RFX4: variants seen among roughly 807,000 people sequenced by gnomAD.
RFX4 encodes the protein transcription factor RFX4.
A neutral mutation model predicts 95.0 loss-of-function variants in RFX4; 10 were observed. The ratio of observed to expected loss-of-function variants is 0.11; its 90% CI spans 0.06 to 0.18. The LOEUF is 0.18. Among genes scored for constraint, RFX4 ranks in the 10% least tolerant of loss-of-function variants. The pLI is 1.00. For synonymous variants in RFX4, 321 were observed against 340.7 expected, an observed-to-expected ratio of 0.94 and a Z score of 0.64; for missense variants, 640 against 922.0, an observed-to-expected ratio of 0.69 and a Z score of 3.96.
At chr12:106,665,511 T>A (rs1338127773) in intron 4 of RFX4, among the ~76,000 whole-genome samples, 1 of 151,982 alleles carries the variant, frequency 6.6e-6, no homozygotes, top group Admixed American at 6.5e-5. Context: ...AATTGGATAA[T>A]ATTTACCATA....
At chr12:106,589,769 G>A (rs1174401054) in intron 1 of RFX4, among the ~76,000 whole-genome samples, 1 of 152,188 alleles carries the variant, frequency 6.6e-6, no homozygotes. Context: ...ATCACAGAAT[G>A]TTGTCTTCCC....
At chr12:106,664,572 T>A (rs548194546) in intron 4 of RFX4, among the ~76,000 whole-genome samples, 1 of 151,950 alleles carries the variant, frequency 6.6e-6, no homozygotes, top group Admixed American at 6.6e-5. Context: ...CTCTAATTCT[T>A]ATTGTATCTT....
chr12:106,755,451 G>A (rs2043092277), intron 17 of RFX4, among the ~76,000 whole-genome samples: 1 of 152,142 alleles, frequency 6.6e-6, no homozygotes, highest in South Asian at 2.1e-4. Context: ...TGTGCCCCAG[G>A]TCATGCATCC....
intron 3 of RFX4, among the ~76,000 whole-genome samples, chr12:106,651,455 T>G (rs2040855400): frequency 6.6e-6 from 1 of 150,842 alleles, no homozygotes; most frequent in Non-Finnish European, 1.5e-5. Flanking sequence ...TGCTAACTGT[T>G]GTTGTTACAC....
At chr12:106,645,994 C>T in intron 3 of RFX4, 1 of 1,241,212 alleles carries the variant, frequency 8.1e-7, no homozygotes, top group Non-Finnish European at 1.1e-6. Context: ...GAATGAGATG[C>T]TGTGTTGTGG....
At chr12:106,716,280 G>A (rs1480886539) in intron 11 of RFX4, among the ~76,000 whole-genome samples, 1 of 151,978 alleles carries the variant, frequency 6.6e-6, no homozygotes, top group African/African-American at 2.4e-5. Flanking sequence ...AGAACATCAG[G>A]TCAGGAAAGG....
Position 106,715,535 on chromosome 12 carries a change from A to C in RFX4, c.1129A>C (p.Ile377Leu). The change falls in exon 11 of 18, where the codon ATC becomes CTC. Residue 377 changes from isoleucine (I) to leucine (L), a missense_variant. Around this residue, in one of 7 missense-constraint regions of RFX4, gnomAD observed 72 missense variants for 80.5 expected, o/e 0.89. Coordinates refer to ENST00000392842, the MANE Select transcript of RFX4 (RefSeq NM_213594.3). ...EDSRDEHRKLITQLYQEFDHL... is the reference protein window; with the variant it reads ...EDSRDEHRKLLTQLYQEFDHL... ...CTCTCGCGATGAGCACCGGAAACTC[A>C]TCACCCAATGTAAGCTGTCCCACCA... 2 of 1,614,134 alleles carry C rather than the reference A, an allele frequency of 1.2e-6. No individual in the cohort carries two copies. Among genetic ancestry groups the C allele is most frequent in the Non-Finnish European group, 1.7e-6 (2 of 1,179,986 alleles).
At chr12:106,646,390 G>A (rs1272945407) in intron 3 of RFX4, among the ~76,000 whole-genome samples, 2 of 118,966 alleles carry the variant, frequency 1.7e-5, no homozygotes, top group Admixed American at 1.1e-4. Flanking sequence ...GAACCAAATG[G>A]AAATTGCAAC....
At chr12:106,643,587 A>G (rs1236553321) in intron 3 of RFX4, among the ~76,000 whole-genome samples, 4 of 152,172 alleles carry the variant, frequency 2.6e-5, no homozygotes, top group Non-Finnish European at 4.4e-5. Context: ...TCCATTTTAC[A>G]AGGAAAAGTG....
At position 106,733,012 on chromosome 12, in the gene RFX4, A is replaced by G. The variant is rs1415146605; in HGVS notation, c.1560A>G (p.Thr520=). 1.9e-6 allele frequency: 3 copies of G among 1,614,062 alleles called. No homozygotes were observed. In the Admixed American group the frequency reaches 5.0e-5, roughly 27 times the overall value. Residue 520 remains threonine, a synonymous_variant, in exon 15 of 18, where the codon ACA becomes ACG. Transcript: ENST00000392842. ...CGTTTTCTCCAGCAAAATCTGCCAC[A>G]TCTGTGGAAGTGCCACCTCCCTCTT... ...VPSFSPAKSA[T]SVEVPPPSSP...
chr12:106,659,641 G>A (rs1051860069), intron 4 of RFX4, among the ~76,000 whole-genome samples: 4 of 152,136 alleles, frequency 2.6e-5, no homozygotes, highest in African/African-American at 7.2e-5. Context: ...TATATCAACC[G>A]TGTCTAGTCC....
At chr12:106,669,593 C>G (rs1357245307) in intron 4 of RFX4, among the ~76,000 whole-genome samples, 1 of 152,026 alleles carries the variant, frequency 6.6e-6, no homozygotes, top group African/African-American at 2.4e-5. Context: ...CCACCCTCCT[C>G]CCATCCTGAC....
intron 16 of RFX4, among the ~76,000 whole-genome samples, chr12:106,748,823 C>T (rs1206784578): frequency 6.6e-6 from 1 of 152,072 alleles, no homozygotes; most frequent in African/African-American, 2.4e-5. Flanking sequence ...CAGTGGCTCA[C>T]ACCTGTAATC....
intron 2 of RFX4, among the ~76,000 whole-genome samples, chr12:106,614,744 C>T (rs573673891): frequency 2.7e-4 from 41 of 151,934 alleles, no homozygotes; most frequent in Non-Finnish European, 5.4e-4. Context: ...CTCCTGACCT[C>T]GTGATCTACC....
intron 8 of RFX4, among the ~76,000 whole-genome samples, chr12:106,703,276 G>A (rs1452902570): frequency 1.3e-5 from 2 of 152,094 alleles, no homozygotes; most frequent in African/African-American, 4.8e-5. Flanking sequence ...TCTTGTTATG[G>A]TGGAAGTGAT....
At chr12:106,642,975 G>A (rs1372865895) in intron 3 of RFX4, among the ~76,000 whole-genome samples, 2 of 152,210 alleles carry the variant, frequency 1.3e-5, no homozygotes, top group South Asian at 2.1e-4. Context: ...ATAGACAGAG[G>A]GGGTGTTAGG....
intron 5 of RFX4, chr12:106,684,861 C>G (rs558348120): frequency 6.3e-7 from 1 of 1,590,360 alleles, no homozygotes; most frequent in East Asian, 2.2e-5. Flanking sequence ...TCCCAGAAGG[C>G]ATTCAGATAG....
At chr12:106,658,049 C>G (rs11113074) in intron 4 of RFX4, among the ~76,000 whole-genome samples, 31,537 of 152,072 alleles carry the variant, frequency 0.21, 3,559 homozygotes, top group South Asian at 0.28. Flanking sequence ...AATGAAAGCT[C>G]TATGAGGACT....
intron 1 of RFX4, among the ~76,000 whole-genome samples, chr12:106,599,470 T>TGTGATG (rs1352915054): frequency 7.3e-6 from 1 of 136,378 alleles, no homozygotes; most frequent in Non-Finnish European, 1.5e-5. Flanking sequence ...AAGTCATCGC[T>TGTGATG]GTGATGATGA....
Sources: allele counts gnomAD v4.1 joint callset (sites outside exome capture counted in the v4.1 genomes callset), GRCh38; gene constraint gnomAD v4.1.1; regional missense constraint gnomAD v4.1.1; transcripts MANE v1.5; gene names NCBI Gene and HGNC (gene_info 2026-07-23, HGNC 2026-07-21).